The following CXCL13 variants were observed in gnomAD, a reference collection of about 807,000 sequenced individuals.
CXCL13 encodes C-X-C motif chemokine ligand 13.
In CXCL13, 7 loss-of-function variants were observed where a neutral mutation model predicts 12.2. That is an observed-to-expected ratio of 0.57 (90% CI 0.33 to 1.07). The LOEUF is 1.07. CXCL13 is among the 50% of genes least tolerant of loss of function. The pLI, the probability that CXCL13 is intolerant of heterozygous loss-of-function variation, is 0.04. For missense variants in CXCL13, 113 were observed against 127.4 expected (o/e 0.89, Z 0.55); for synonymous variants, 47 against 42.4 (o/e 1.11, Z -0.42).
At chr4:77,537,523 T>C (rs1725088757) in intron 1 of CXCL13, among the ~76,000 whole-genome samples, 1 of 152,164 alleles carries the variant, frequency 6.6e-6, no homozygotes, top group Admixed American at 6.5e-5. Context: ...CAATGGAAGA[T>C]ATAGTGAGGA....
intron 1 of CXCL13, among the ~76,000 whole-genome samples, chr4:77,518,203 C>T (rs1036677039): frequency 1.2e-4 from 19 of 152,140 alleles, no homozygotes; most frequent in Non-Finnish European, 2.5e-4. Context: ...GGTAACCCGA[C>T]CTTTCTCTCT....
chr4:77,553,085 T>A (rs1725572186), intron 1 of CXCL13, among the ~76,000 whole-genome samples: 2 of 152,176 alleles, frequency 1.3e-5, no homozygotes, highest in South Asian at 4.1e-4. Context: ...CATCACGGTC[T>A]TAGGGTAGCA....
At chr4:77,525,398 A>G (rs557292656) in intron 1 of CXCL13, among the ~76,000 whole-genome samples, 1 of 152,132 alleles carries the variant, frequency 6.6e-6, no homozygotes, top group Non-Finnish European at 1.5e-5. Flanking sequence ...TAGGGTGGTA[A>G]GATTTCTTTC....
chr4:77,554,588 G>T (rs1359002689), intron 1 of CXCL13, among the ~76,000 whole-genome samples: 1 of 152,066 alleles, frequency 6.6e-6, no homozygotes, highest in Non-Finnish European at 1.5e-5. Context: ...CAACCAACTT[G>T]ATCTAGATAT....
At chr4:77,592,815 G>T (rs1274395802) in intron 1 of CXCL13, among the ~76,000 whole-genome samples, 2 of 152,168 alleles carry the variant, frequency 1.3e-5, no homozygotes, top group Non-Finnish European at 2.9e-5. Flanking sequence ...CCTGGGTCTT[G>T]TGTACTGGCT....
At chr4:77,610,768 T>C in intron 3 of CXCL13, 74 bp downstream of exon 3, 4 of 1,150,892 alleles carry the variant, frequency 3.5e-6, no homozygotes, top group Non-Finnish European at 5.3e-6. Context: ...GCAGTCAAAA[T>C]AGGGACTAGC....
intron 1 of CXCL13, among the ~76,000 whole-genome samples, chr4:77,532,792 C>T (rs1724961899): frequency 6.6e-6 from 1 of 152,152 alleles, no homozygotes. Flanking sequence ...TCATTTCACT[C>T]ATTTCATCTT....
chr4:77,523,698 A>C (rs1302356719), intron 1 of CXCL13, among the ~76,000 whole-genome samples: 2 of 152,194 alleles, frequency 1.3e-5, no homozygotes, highest in Non-Finnish European at 2.9e-5. Context: ...CCGATTTCTG[A>C]AGCCTACTTC....
At chr4:77,585,140 T>C (rs1224655687) in intron 1 of CXCL13, among the ~76,000 whole-genome samples, 1 of 152,136 alleles carries the variant, frequency 6.6e-6, no homozygotes, top group Non-Finnish European at 1.5e-5. Context: ...TGGAATCCCA[T>C]CAGGCCACTG....
At chr4:77,543,407 A>G (rs1188383211) in intron 1 of CXCL13, among the ~76,000 whole-genome samples, 1 of 151,928 alleles carries the variant, frequency 6.6e-6, no homozygotes. Context: ...CTTTGGGGTT[A>G]GCTCATTCTT....
chr4:77,594,916 A>C (rs140321193), intron 1 of CXCL13, among the ~76,000 whole-genome samples: 42 of 152,318 alleles, frequency 2.8e-4, no homozygotes, highest in African/African-American at 9.1e-4. Flanking sequence ...ACTTAAAATA[A>C]AATTTTAAAA....
chr4:77,514,810 A>G (rs1173323241), intron 1 of CXCL13, among the ~76,000 whole-genome samples: 1 of 151,988 alleles, frequency 6.6e-6, no homozygotes, highest in East Asian at 1.9e-4. Context: ...CTTTAGTTTA[A>G]TTAGATCCCA....
chr4:77,571,559 G>C (rs562671007), intron 1 of CXCL13, among the ~76,000 whole-genome samples: 10 of 151,786 alleles, frequency 6.6e-5, no homozygotes, highest in Non-Finnish European at 8.8e-5. Flanking sequence ...CCTGTGTGTC[G>C]AAACTGTGTA....
intron 1 of CXCL13, among the ~76,000 whole-genome samples, chr4:77,526,877 G>T (rs1347998271): frequency 2.0e-5 from 3 of 152,164 alleles, no homozygotes; most frequent in Non-Finnish European, 4.4e-5. Context: ...CAGCCAAGCA[G>T]ATTGGTCACA....
At chr4:77,577,290 T>C (rs369990455) in intron 1 of CXCL13, among the ~76,000 whole-genome samples, 7 of 152,144 alleles carry the variant, frequency 4.6e-5, no homozygotes, top group African/African-American at 1.7e-4. Context: ...ACCTGCCTTG[T>C]TGGAGGAGAA....
At chr4:77,607,981 A>G (rs1228618208) in intron 2 of CXCL13, 146 bp downstream of exon 2, 7 of 841,584 alleles carry the variant, frequency 8.3e-6, no homozygotes, top group Non-Finnish European at 1.1e-5. Context: ...GAAAATTGTT[A>G]ATAATTAAGA....
intron 1 of CXCL13, among the ~76,000 whole-genome samples, chr4:77,598,115 A>G (rs1441296077): frequency 6.6e-6 from 1 of 152,238 alleles, no homozygotes; most frequent in Non-Finnish European, 1.5e-5. Flanking sequence ...GGAGATGACC[A>G]GGCTTGCCTG....
At chr4:77,565,259 G>A (rs1725900838) in intron 1 of CXCL13, among the ~76,000 whole-genome samples, 1 of 152,166 alleles carries the variant, frequency 6.6e-6, no homozygotes, top group Non-Finnish European at 1.5e-5. Context: ...ATTGCTCTGG[G>A]CAGTCACTTC....
chr4:77,598,648 A>G (rs1344722253), intron 1 of CXCL13, among the ~76,000 whole-genome samples: 1 of 152,234 alleles, frequency 6.6e-6, no homozygotes, highest in African/African-American at 2.4e-5. Context: ...CCAGAAAGGG[A>G]GAGGCAATAT....
Sources: allele counts gnomAD v4.1 joint callset (sites outside exome capture counted in the v4.1 genomes callset), GRCh38; gene constraint gnomAD v4.1.1; transcripts MANE v1.5; gene names NCBI Gene and HGNC (gene_info 2026-07-23, HGNC 2026-07-21).